TASP1: variants seen among roughly 807,000 people sequenced by gnomAD.
TASP1 encodes taspase 1.
TASP1 carries 16 observed loss-of-function variants against 56.6 expected under a neutral mutation model. The ratio of observed to expected loss-of-function variants is 0.28; its 90% CI spans 0.19 to 0.43. The LOEUF (loss-of-function observed/expected upper bound fraction) is 0.43, where lower values mean the gene tolerates loss of function less well. Ranked by LOEUF, TASP1 falls within the 20% of genes least tolerant of loss-of-function variation. The pLI is 1.00. For missense variants in TASP1, 393 were observed against 511.6 expected (o/e 0.77, Z 2.24); for synonymous variants, 179 against 184.2 (o/e 0.97, Z 0.23).
At chr20:13,295,745 G>A in the TASP1 span, among the ~76,000 whole-genome samples, 1 of 152,226 alleles carries the variant, frequency 6.6e-6, no homozygotes, top group African/African-American at 2.4e-5. Context: ...TGCTGACTGG[G>A]AATCCCAGCA....
chr20:13,295,143 C>G, the TASP1 span, among the ~76,000 whole-genome samples: 1 of 152,178 alleles, frequency 6.6e-6, no homozygotes, highest in Non-Finnish European at 1.5e-5. Flanking sequence ...CTGATGTCTT[C>G]CTCTCTTTAC....
intron 4 of TASP1, among the ~76,000 whole-genome samples, chr20:13,593,523 T>C (rs771152824): frequency 1.8e-4 from 27 of 152,186 alleles, no homozygotes; most frequent in Non-Finnish European, 3.4e-4. Context: ...CCCATGGTCT[T>C]AGCAGCCGGC....
rs144788561 is a variant in TASP1, at chr20:13,460,211, T to A, written c.985+23016A>T. 1.7e-4 allele frequency among the ~76,000 whole-genome samples: 26 copies of A among 152,278 alleles called. 2 individuals carry two copies. The East Asian group carries it at 5.0e-3, about 29-fold the overall frequency. Reference sequence around the variant, plus strand: ...ATCAGTTCCCCAGTCCTCCTCTTACTGCTCATCGGAAGAGTCTGACCTGCT... The same window carrying A: ...ATCAGTTCCCCAGTCCTCCTCTTACAGCTCATCGGAAGAGTCTGACCTGCT... On this transcript the variant is annotated intron_variant, in intron 11 of 13. Transcript: ENST00000337743.
In TASP1 at chr20:13,559,043, T is replaced by C. The variant is rs754644652; in HGVS notation, c.640A>G (p.Met214Val). 3.1e-6 allele frequency: 5 copies of C among 1,597,108 alleles called. No individual in the cohort carries two copies. The highest frequency in any genetic ancestry group is 4.3e-6 in the Non-Finnish European group (5 of 1,171,106). Reference protein sequence around the residue: ...ELAERVDTDFMQLKKRRQSSE... With the variant: ...ELAERVDTDFVQLKKRRQSSE... ...GATTGTCTTCTTTTCTTTAGTTGCA[T>C]AAAATCTGTGTCCACCCTTTCTGCC... The change falls in exon 8 of 14, where the codon ATG becomes GTG. Residue 214 changes from methionine (M) to valine (V), a missense_variant. Physicochemically the swap from Met to Val is conservative, Grantham distance 21 (BLOSUM62 1). This residue lies in a region of TASP1 where 293 missense variants were observed against 354.2 expected (regional missense o/e 0.83). Coordinates refer to ENST00000337743, the MANE Select transcript of TASP1 (RefSeq NM_017714.3).
chr20:13,120,552 A>G, the TASP1 span, among the ~76,000 whole-genome samples: 1 of 152,184 alleles, frequency 6.6e-6, no homozygotes, highest in Non-Finnish European at 1.5e-5. Flanking sequence ...TAATATTGGT[A>G]TAGAGGGGCT....
chr20:13,571,292 T>C (rs2046704548), intron 6 of TASP1, among the ~76,000 whole-genome samples: 1 of 152,190 alleles, frequency 6.6e-6, no homozygotes, highest in Admixed American at 6.5e-5. Flanking sequence ...CAAAATATCA[T>C]ATAATTGCTT....
At chr20:13,434,177 G>A (rs2042924754) in intron 12 of TASP1, among the ~76,000 whole-genome samples, 1 of 152,104 alleles carries the variant, frequency 6.6e-6, no homozygotes, top group African/African-American at 2.4e-5. Flanking sequence ...GGTTATAGGG[G>A]GTGGGTTCAC....
downstream of TASP1, chr20:13,389,383 G>A (rs1435601985): frequency 6.6e-6 from 1 of 152,142 alleles, no homozygotes; most frequent in Non-Finnish European, 1.5e-5. Flanking sequence ...ATAAATAATA[G>A]CTCTCTAACC....
At chr20:13,528,237 A>AAG (rs1568548599) in intron 10 of TASP1, among the ~76,000 whole-genome samples, 196 bp downstream of exon 10, 1 of 150,214 alleles carries the variant, frequency 6.7e-6, no homozygotes, top group Admixed American at 6.6e-5. Context: ...AAAAAAAAAA[A>AAG]AAAAAAAGAA....
intron 10 of TASP1, among the ~76,000 whole-genome samples, chr20:13,523,248 T>A (rs1163005173): frequency 2.0e-5 from 3 of 152,138 alleles, no homozygotes; most frequent in Non-Finnish European, 4.4e-5. Flanking sequence ...GGGCTTGTAT[T>A]CACCAAGAGT....
intron 10 of TASP1, among the ~76,000 whole-genome samples, chr20:13,508,422 T>C (rs1178829613): frequency 6.6e-6 from 1 of 152,116 alleles, no homozygotes. Context: ...AGTGCCAACA[T>C]GATACTCAAA....
At chr20:13,403,919 A>C (rs978914907) in intron 13 of TASP1, among the ~76,000 whole-genome samples, 4 of 152,172 alleles carry the variant, frequency 2.6e-5, no homozygotes, top group Non-Finnish European at 5.9e-5. Context: ...AGTCTAGCTA[A>C]TATCATTTTT....
At chr20:13,308,648 C>G in the TASP1 span, among the ~76,000 whole-genome samples, 50 of 152,126 alleles carry the variant, frequency 3.3e-4, no homozygotes, top group Admixed American at 3.3e-3. Context: ...GTTAAATGAT[C>G]TAGGCTATTC....
chr20:13,415,381 A>T, intron 13 of TASP1, among the ~76,000 whole-genome samples: 1 of 149,694 alleles, frequency 6.7e-6, no homozygotes, highest in Admixed American at 6.6e-5. Flanking sequence ...AAAAGAGATA[A>T]TTTTTCTTTT....
chr20:13,220,071 T>C, the TASP1 span, among the ~76,000 whole-genome samples: 1 of 151,960 alleles, frequency 6.6e-6, no homozygotes, highest in African/African-American at 2.4e-5. Flanking sequence ...CGGGAAAGGC[T>C]TGGAAATGTG....
chr20:13,581,041 C>G, intron 5 of TASP1, 60 bp from the exon 6 acceptor site: 1 of 1,513,282 alleles, frequency 6.6e-7, no homozygotes, highest in Non-Finnish European at 9.0e-7. Flanking sequence ...TAGTTTCCCA[C>G]TCAGTTTTGC....
intron 13 of TASP1, among the ~76,000 whole-genome samples, chr20:13,401,145 C>T (rs2041724061): frequency 6.6e-6 from 1 of 152,214 alleles, no homozygotes; most frequent in Non-Finnish European, 1.5e-5. Flanking sequence ...GCCAAATCAT[C>T]TGCTCTTATA....
intron 10 of TASP1, among the ~76,000 whole-genome samples, chr20:13,491,831 T>C (rs1438878989): frequency 6.6e-6 from 1 of 152,194 alleles, no homozygotes; most frequent in African/African-American, 2.4e-5. Context: ...ATGAGCCCCA[T>C]TATTACAAAA....
At chr20:13,457,118 T>C (rs1232349620) in intron 11 of TASP1, among the ~76,000 whole-genome samples, 1 of 151,790 alleles carries the variant, frequency 6.6e-6, no homozygotes. Context: ...CTGGGGCCTG[T>C]TGGGGGATGG....
Sources: allele counts gnomAD v4.1 joint callset (sites outside exome capture counted in the v4.1 genomes callset), GRCh38; gene constraint gnomAD v4.1.1; regional missense constraint gnomAD v4.1.1; transcripts MANE v1.5; gene names NCBI Gene and HGNC (gene_info 2026-07-23, HGNC 2026-07-21).